GRIN2B: variants seen among roughly 807,000 people sequenced by gnomAD.
The protein encoded by GRIN2B is glutamate receptor ionotropic, NMDA 2B.
In GRIN2B, 5 loss-of-function variants were observed where a neutral mutation model predicts 114.5. That is an observed-to-expected ratio of 0.04 (90% CI 0.02 to 0.09). The LOEUF is 0.09. GRIN2B is among the 10% of genes least tolerant of loss of function. The pLI, the probability that GRIN2B is intolerant of heterozygous loss-of-function variation, is 1.00. For missense variants in GRIN2B, 1,108 were observed against 1,943.5 expected, an observed-to-expected ratio of 0.57 and a Z score of 8.08; for synonymous variants, 787 against 745.1, an observed-to-expected ratio of 1.06 and a Z score of -0.92.
intron 3 of GRIN2B, among the ~76,000 whole-genome samples, chr12:13,797,945 A>T (rs1211838423): frequency 2.6e-5 from 4 of 152,130 alleles, no homozygotes; most frequent in African/African-American, 7.2e-5. Flanking sequence ...CACATCTCCT[A>T]CCTATAATCA....
At chr12:13,960,761 A>C (rs1867674819) in intron 2 of GRIN2B, among the ~76,000 whole-genome samples, 1 of 152,234 alleles carries the variant, frequency 6.6e-6, no homozygotes, top group East Asian at 1.9e-4. Flanking sequence ...GTGTGACAGC[A>C]AAGTCCGTAA....
At chr12:13,654,547 C>G (rs1180698346) in intron 5 of GRIN2B, among the ~76,000 whole-genome samples, 3 of 152,146 alleles carry the variant, frequency 2.0e-5, no homozygotes, top group Non-Finnish European at 4.4e-5. Flanking sequence ...CAATGATATA[C>G]AGAACAGTCT....
In GRIN2B at chr12:13,563,017, C is replaced by T; in HGVS notation, c.4221G>A (p.Arg1407=). ...LLHGSKSYFF[R]QPTVAGASKA... ...TCGACGCCCCCGCCACCGTGGGCTG[C>T]CTGAAGAAGTAGGATTTGCTGCCAT... Residue 1407 remains arginine, a synonymous_variant, in exon 14 of 14, where the codon AGG becomes AGA. Coordinates refer to ENST00000609686, the MANE Select transcript of GRIN2B (RefSeq NM_000834.5). 1 of 1,613,928 alleles carries T rather than the reference C, an allele frequency of 6.2e-7. No homozygotes were observed. Among genetic ancestry groups the T allele is most frequent in the South Asian group, 1.1e-5 (1 of 91,084 alleles).
chr12:13,617,518 C>A (rs1949459711), intron 5 of GRIN2B, among the ~76,000 whole-genome samples: 1 of 152,190 alleles, frequency 6.6e-6, no homozygotes, highest in South Asian at 2.1e-4. Flanking sequence ...TTCAGAAGAG[C>A]CACTCATTCC....
intron 3 of GRIN2B, among the ~76,000 whole-genome samples, chr12:13,823,209 C>A (rs888255498): frequency 2.0e-5 from 3 of 151,958 alleles, no homozygotes; most frequent in African/African-American, 7.2e-5. Context: ...CCTGAAAAAA[C>A]CCCACTGGGC....
intron 2 of GRIN2B, among the ~76,000 whole-genome samples, chr12:13,892,292 A>G (rs1161875749): frequency 6.6e-6 from 1 of 152,220 alleles, no homozygotes; most frequent in African/African-American, 2.4e-5. Flanking sequence ...CAGAAGTCCC[A>G]TCTCCCAATG....
intron 10 of GRIN2B, among the ~76,000 whole-genome samples, chr12:13,607,013 T>C (rs1949260169): frequency 6.7e-6 from 1 of 148,702 alleles, no homozygotes; most frequent in South Asian, 2.1e-4. Context: ...GGAGTATATA[T>C]TTTCCATGGG....
At chr12:13,749,013 C>G (rs370513059) in intron 4 of GRIN2B, among the ~76,000 whole-genome samples, 5 of 152,352 alleles carry the variant, frequency 3.3e-5, no homozygotes, top group African/African-American at 1.2e-4. Flanking sequence ...AACCCAGAAT[C>G]TATCTGGAGA....
chr12:13,703,786 ATCCTT>A (rs1430890877), intron 4 of GRIN2B, among the ~76,000 whole-genome samples: 2 of 152,158 alleles, frequency 1.3e-5, no homozygotes, highest in African/African-American at 4.8e-5. Context: ...CCACCATGGG[ATCCTT>A]TTAACTTCAA....
intron 3 of GRIN2B, among the ~76,000 whole-genome samples, chr12:13,815,137 A>C (rs1432716021): frequency 6.6e-6 from 1 of 152,220 alleles, no homozygotes; most frequent in Non-Finnish European, 1.5e-5. Flanking sequence ...TAGATGTAGC[A>C]CAATGCTATA....
chr12:13,801,552 CAA>C (rs1166651912), intron 3 of GRIN2B, among the ~76,000 whole-genome samples: 1 of 152,088 alleles, frequency 6.6e-6, no homozygotes, highest in Non-Finnish European at 1.5e-5. Context: ...AATATGAAAA[CAA>C]AGTCTTGGCC....
intron 4 of GRIN2B, among the ~76,000 whole-genome samples, chr12:13,719,410 A>T (rs1373621077): frequency 9.5e-6 from 1 of 105,012 alleles, no homozygotes; most frequent in East Asian, 2.4e-4. Flanking sequence ...ACTCTAAAGT[A>T]GGATCACTTA....
intron 3 of GRIN2B, among the ~76,000 whole-genome samples, chr12:13,839,214 T>A (rs1480178639): frequency 6.6e-6 from 1 of 152,154 alleles, no homozygotes; most frequent in Non-Finnish European, 1.5e-5. Flanking sequence ...GCAGGCTGAT[T>A]TTCTATCATC....
chr12:13,574,518 T>C (rs1258446960), intron 10 of GRIN2B, among the ~76,000 whole-genome samples: 1 of 152,214 alleles, frequency 6.6e-6, no homozygotes. Flanking sequence ...AATTCTGGTA[T>C]AAATTATTAC....
chr12:13,604,311 C>T (rs1212239345), intron 10 of GRIN2B, among the ~76,000 whole-genome samples: 1 of 152,142 alleles, frequency 6.6e-6, no homozygotes, highest in Non-Finnish European at 1.5e-5. Flanking sequence ...TAAAGGAGTA[C>T]AAAAATAGGT....
chr12:13,671,300 C>T (rs1211119531), intron 5 of GRIN2B, among the ~76,000 whole-genome samples: 1 of 152,064 alleles, frequency 6.6e-6, no homozygotes, highest in Non-Finnish European at 1.5e-5. Flanking sequence ...TATGTAAAAC[C>T]CTATGTTACA....
At chr12:13,848,695 C>T (rs2136724456) in intron 3 of GRIN2B, among the ~76,000 whole-genome samples, 1 of 152,318 alleles carries the variant, frequency 6.6e-6, no homozygotes, top group Non-Finnish European at 1.5e-5. Context: ...AAAAAGCCAG[C>T]TCCAGATACT....
chr12:13,753,971 G>T lies in GRIN2B; in HGVS notation c.412-56C>A. ...AGAGAAAAAAATCAAACCAAAGATG[G>T]TAATGGAGATTTTGAACCAAGTGGG... On this transcript the variant is annotated intron_variant, in intron 3 of 13. Coordinates refer to ENST00000609686, the MANE Select transcript of GRIN2B (RefSeq NM_000834.5). This position sits in a 1 kb window ranked among gnomAD's most constrained non-coding sequence, Gnocchi z 6.2. 1 of 1,148,308 alleles carries T rather than the reference G, an allele frequency of 8.7e-7. No individual in the cohort carries two copies. Among genetic ancestry groups the T allele is most frequent in the East Asian group, 2.4e-5 (1 of 41,892 alleles). The allele number at this position is 1,148,308 out of a possible 1,614,324, so 71.1% of individuals were successfully genotyped here. A position where few individuals can be genotyped will look rare whatever the true frequency, so the allele number is the denominator to read the frequency against.
intron 4 of GRIN2B, among the ~76,000 whole-genome samples, chr12:13,677,317 C>T (rs1950084748): frequency 6.6e-6 from 1 of 152,150 alleles, no homozygotes; most frequent in Non-Finnish European, 1.5e-5. Flanking sequence ...ACTGGGAGGT[C>T]TTCTTTGATT....
Sources: gnomAD v4.1 joint callset for allele counts (sites outside exome capture counted in the v4.1 genomes callset) on GRCh38, gnomAD v4.1.1 for gene constraint, Gnocchi (gnomAD v3.1) non-coding constraint, MANE v1.5 for transcripts, NCBI Gene and HGNC (gene_info 2026-07-23, HGNC 2026-07-21) for gene names.